Variants in CALM2 observed in about 807,000 individuals in gnomAD.
CALM2 encodes calmodulin-2.
In CALM2, 2 loss-of-function variants were observed where a neutral mutation model predicts 19.8. The observed-to-expected ratio is 0.10, with a 90% CI of 0.04 to 0.32. CALM2 has a LOEUF of 0.32. Among genes scored for constraint, CALM2 ranks in the 10% least tolerant of loss-of-function variants. The pLI, the probability that CALM2 is intolerant of heterozygous loss-of-function variation, is 1.00. For missense variants in CALM2, 38 were observed against 178.7 expected, an observed-to-expected ratio of 0.21 and a Z score of 4.49; for synonymous variants, 51 against 52.1, an observed-to-expected ratio of 0.98 and a Z score of 0.09.
intron 2 of CALM2, among the ~76,000 whole-genome samples, chr2:47,165,609 C>A (rs1465548130): frequency 6.6e-6 from 1 of 152,202 alleles, no homozygotes; most frequent in African/African-American, 2.4e-5. Flanking sequence ...GGCTCTTACT[C>A]CTGTCTCTTA....
chr2:47,167,681 G>A (rs1191880347), intron 2 of CALM2: 2 of 79,472 alleles, frequency 2.5e-5, no homozygotes, highest in Admixed American at 1.7e-4. Flanking sequence ...GCAAGAGAGT[G>A]AAGCTCCGTC....
rs58897204 is a variant in CALM2 at position 47,167,693 on chromosome 2, CAAAAAAAAAAAAAAAAAAAAAAA to C, written c.34+3018_34+3040del. The C allele has an allele frequency of 5.6e-5, 2 of 35,948 alleles. 1 individual carries two copies. The highest frequency in any genetic ancestry group is 2.3e-4 in the African/African-American group (2 of 8,780). 2.2% of individuals were successfully genotyped at this position (35,948 alleles called of 1,614,324 possible). On this transcript the variant is annotated intron_variant, in intron 2 of 5. Coordinates refer to ENST00000272298, the MANE Select transcript of CALM2 (RefSeq NM_001743.6). ...TGGGCAAGAGAGTGAAGCTCCGTCTCAAAAAAAAAAAAAAAAAAAAAAAAAAAAAAAAAAATTTAGTAACTTCA... is the reference window on the plus strand; with the variant it reads ...TGGGCAAGAGAGTGAAGCTCCGTCTCAAAAAAAAAAAATTTAGTAACTTCA...
intron 1 of CALM2, chr2:47,173,079 T>A (rs1444788499): frequency 6.6e-6 from 1 of 152,192 alleles, no homozygotes; most frequent in Non-Finnish European, 1.5e-5. Flanking sequence ...GCTCTCAATT[T>A]TGCTTGGAAG....
chr2:47,160,850 CAAAAAA>C (rs55773607), intron 5 of CALM2, 46 bp from the exon 6 acceptor site: 8,271 of 364,646 alleles, frequency 0.023, no homozygotes, highest in South Asian at 0.032. Flanking sequence ...AGCAAAAGAC[CAAAAAA>C]AAAAAAAAAA....
At chr2:47,174,418 A>C (rs1391234086) in intron 1 of CALM2, among the ~76,000 whole-genome samples, 5 of 152,102 alleles carry the variant, frequency 3.3e-5, no homozygotes, top group African/African-American at 9.7e-5. Flanking sequence ...ATGTCCGGCT[A>C]ATTTTTTTTA....
intron 1 of CALM2, among the ~76,000 whole-genome samples, chr2:47,175,121 G>A (rs1252497419): frequency 8.7e-6 from 1 of 114,338 alleles, no homozygotes; most frequent in African/African-American, 3.7e-5. Context: ...TGATCTCCCA[G>A]TCTGAGGTGA....
Position 47,170,727 on chromosome 2 carries a change from T to C in CALM2, c.34+7A>G. 1 of 1,610,538 alleles carries C rather than the reference T, an allele frequency of 6.2e-7. No individual in the cohort carries two copies. The highest frequency in any genetic ancestry group is 8.5e-7 in the Non-Finnish European group (1 of 1,176,734). On this transcript the variant is annotated splice_region_variant and intron_variant, in intron 2 of 5. Transcript: ENST00000272298. ...TAATGGGTACAATCTAGCTGAGTATTTCTCACCTGCAATCTGCTCTTCAGT... is the reference window on the plus strand; with the variant it reads ...TAATGGGTACAATCTAGCTGAGTATCTCTCACCTGCAATCTGCTCTTCAGT...
intron 2 of CALM2, chr2:47,163,548 T>G (rs1490543729): frequency 6.6e-6 from 1 of 151,322 alleles, no homozygotes; most frequent in African/African-American, 2.4e-5. Context: ...TTCTCCTGCC[T>G]CAGCCTCCCG....
chr2:47,175,097 T>TTTTTTTCTCC (rs751897252), intron 1 of CALM2, among the ~76,000 whole-genome samples: 1 of 126,630 alleles, frequency 7.9e-6, no homozygotes, highest in African/African-American at 3.9e-5. Context: ...TTTTTTTTTT[T>TTTTTTTCTCC]TCAGGAAAGA....
At chr2:47,175,439 C>T (rs976931859) in intron 1 of CALM2, among the ~76,000 whole-genome samples, 2 of 152,198 alleles carry the variant, frequency 1.3e-5, no homozygotes, top group African/African-American at 4.8e-5. Flanking sequence ...CTGCTTCCCT[C>T]CGGCGGTGAA....
At chr2:47,160,827 A>C in intron 5 of CALM2, 23 bp from the exon 6 acceptor site, 3 of 1,396,438 alleles carry the variant, frequency 2.1e-6, no homozygotes, top group Non-Finnish European at 2.9e-6. Context: ...AAGTACACAA[A>C]AAATGAGTCA....
intron 1 of CALM2, among the ~76,000 whole-genome samples, chr2:47,175,081 GTTTT>G (rs563702873): frequency 1.3e-5 from 1 of 77,964 alleles, no homozygotes; most frequent in African/African-American, 9.2e-5. Context: ...CTCATTAGGT[GTTTT>G]TTTTTTTTTT....
chr2:47,164,237 C>CAA (rs1156384263), intron 2 of CALM2, among the ~76,000 whole-genome samples: 393 of 38,576 alleles, frequency 0.01, 15 homozygotes, highest in African/African-American at 0.028. Context: ...GACTCCGTCT[C>CAA]AAAAAAAAAA....
chr2:47,162,429 G>C, intron 3 of CALM2, 37 bp from the exon 4 acceptor site: 1 of 1,603,790 alleles, frequency 6.2e-7, no homozygotes, highest in Non-Finnish European at 8.5e-7. Context: ...AGCTTTAGTG[G>C]AAACATATAA....
chr2:47,176,144 G>A (rs1252100069), intron 1 of CALM2: 2 of 453,654 alleles, frequency 4.4e-6, no homozygotes, highest in African/African-American at 4.0e-5. Flanking sequence ...CCCGTGCACT[G>A]GGCTGTCCCT....
intron 1 of CALM2, among the ~76,000 whole-genome samples, chr2:47,176,085 C>G (rs749424057): frequency 3.3e-5 from 5 of 152,188 alleles, no homozygotes; most frequent in Non-Finnish European, 7.4e-5. Context: ...AGACGCCCGA[C>G]AGAAGGCTCT....
intron 1 of CALM2, chr2:47,171,517 G>A (rs1243203678): frequency 1.3e-5 from 2 of 152,188 alleles, no homozygotes; most frequent in Non-Finnish European, 2.9e-5. Flanking sequence ...CAGAAAATTA[G>A]TAGAACAAAG....
chr2:47,176,841 G>C, upstream of CALM2: 4 of 985,450 alleles, frequency 4.1e-6, no homozygotes, highest in Non-Finnish European at 4.8e-6. Flanking sequence ...TGATTGGCTG[G>C]TTTGTACCTG....
upstream of CALM2, chr2:47,176,592 C>A (rs1326010755): frequency 2.6e-6 from 4 of 1,540,636 alleles, no homozygotes; most frequent in Non-Finnish European, 3.5e-6. Context: ...AACGGAACAT[C>A]GCAAACGAGT....
Sources: gnomAD v4.1 joint callset for allele counts (sites outside exome capture counted in the v4.1 genomes callset) on GRCh38, gnomAD v4.1.1 for gene constraint, MANE v1.5 for transcripts, NCBI Gene and HGNC (gene_info 2026-07-23, HGNC 2026-07-21) for gene names.